PIP4K2A: variants seen among roughly 807,000 people sequenced by gnomAD.
PIP4K2A encodes the protein phosphatidylinositol-5-phosphate 4-kinase type 2 alpha, also known as phosphatidylinositol 5-phosphate 4-kinase type-2 alpha.
In PIP4K2A, 14 loss-of-function variants were observed where a neutral mutation model predicts 42.9. The observed-to-expected ratio is 0.33, with a 90% CI of 0.22 to 0.51. The LOEUF (loss-of-function observed/expected upper bound fraction) is 0.51. Among genes scored for constraint, PIP4K2A ranks in the 20% least tolerant of loss-of-function variants. The pLI is 0.97. For missense variants in PIP4K2A, 434 were observed against 519.8 expected (o/e 0.83, Z 1.61); for synonymous variants, 192 against 192.2 (o/e 1.00, Z 0.01).
intron 1 of PIP4K2A, among the ~76,000 whole-genome samples, chr10:22,645,322 G>C (rs1838858130): frequency 6.6e-6 from 1 of 152,264 alleles, no homozygotes; most frequent in African/African-American, 2.4e-5. Context: ...GAGGTGAGGG[G>C]ATTACCTGAG....
chr10:22,675,547 A>G (rs1388386874), intron 1 of PIP4K2A, among the ~76,000 whole-genome samples: 1 of 152,186 alleles, frequency 6.6e-6, no homozygotes, highest in African/African-American at 2.4e-5. Context: ...CCAAGATTGC[A>G]CCACTGCACT....
chr10:22,541,152 C>T (rs1040978213), intron 8 of PIP4K2A, among the ~76,000 whole-genome samples: 3 of 152,188 alleles, frequency 2.0e-5, no homozygotes, highest in East Asian at 1.9e-4. Context: ...CACCTGGATA[C>T]GGTGGATTAA....
At chr10:22,575,532 C>T (rs962109784) in intron 4 of PIP4K2A, among the ~76,000 whole-genome samples, 1 of 152,194 alleles carries the variant, frequency 6.6e-6, no homozygotes, top group Non-Finnish European at 1.5e-5. Flanking sequence ...TATTATACAG[C>T]AAATCATTGA....
chr10:22,545,890 G>GAGAC (rs915317112), intron 7 of PIP4K2A, among the ~76,000 whole-genome samples: 3 of 152,136 alleles, frequency 2.0e-5, no homozygotes, highest in African/African-American at 7.2e-5. Flanking sequence ...ATTTTGTGTG[G>GAGAC]AGACAGGATC....
chr10:22,569,266 G>A (rs959171437), intron 5 of PIP4K2A, among the ~76,000 whole-genome samples: 4 of 152,206 alleles, frequency 2.6e-5, no homozygotes, highest in Non-Finnish European at 5.9e-5. Context: ...TGGAAGATCC[G>A]AGGGACGCTG....
rs147415668 is a variant in PIP4K2A at position 22,537,808 on chromosome 10, A to G, written c.1141-527T>C. On this transcript the variant is annotated intron_variant, in intron 9 of 9. Transcript: ENST00000376573. Reference sequence around the variant, plus strand: ...CATGAGGGGCAACAGCAGCAGCCACAGGTTCTGGGACAGCTGCCCCCAGCC... The same window carrying G: ...CATGAGGGGCAACAGCAGCAGCCACGGGTTCTGGGACAGCTGCCCCCAGCC... 4.0e-3 allele frequency among the ~76,000 whole-genome samples: 612 copies of G among 152,286 alleles called. 3 individuals carry two copies. Among genetic ancestry groups the G allele is most frequent in the African/African-American group, 0.013 (557 of 41,556 alleles).
At chr10:22,557,038 C>T (rs1228575509) in intron 6 of PIP4K2A, among the ~76,000 whole-genome samples, 3 of 152,118 alleles carry the variant, frequency 2.0e-5, no homozygotes, top group East Asian at 3.9e-4. Context: ...CCAACACACG[C>T]GTAAGGCTTT....
intron 6 of PIP4K2A, among the ~76,000 whole-genome samples, chr10:22,560,445 T>C (rs760558738): frequency 1.3e-5 from 2 of 152,222 alleles, no homozygotes; most frequent in Non-Finnish European, 2.9e-5. Flanking sequence ...TGCTGAAAAC[T>C]GGTTTCGAAA....
chr10:22,589,028 T>G (rs1837456206), intron 4 of PIP4K2A, among the ~76,000 whole-genome samples: 1 of 152,306 alleles, frequency 6.6e-6, no homozygotes, highest in African/African-American at 2.4e-5. Context: ...TTACAATAAC[T>G]AACCCAGAGA....
intron 1 of PIP4K2A, among the ~76,000 whole-genome samples, chr10:22,654,627 G>A (rs905408953): frequency 3.6e-4 from 55 of 152,270 alleles, no homozygotes; most frequent in East Asian, 1.4e-3. Flanking sequence ...TTCAGGGGTA[G>A]TCAAGTGTGC....
chr10:22,551,626 C>T (rs751061286), intron 6 of PIP4K2A, among the ~76,000 whole-genome samples: 4 of 152,154 alleles, frequency 2.6e-5, no homozygotes, highest in Non-Finnish European at 4.4e-5. Context: ...GCATTCAGTA[C>T]GAGCTCAAAA....
chr10:22,664,080 T>C lies in PIP4K2A; in HGVS notation c.144+50103A>G, dbSNP rs1039114594. Among the ~76,000 whole-genome samples the C allele has an allele frequency of 2.6e-3, 192 of 73,698 alleles. 9 individuals carry two copies. The highest frequency in any genetic ancestry group is 3.9e-3 in the African/African-American group (38 of 9,816). 48.3% of individuals were successfully genotyped at this position (73,698 alleles called of 152,430 possible). A position where few individuals can be genotyped will look rare whatever the true frequency, so the allele number is the denominator to read the frequency against. On this transcript the variant is annotated intron_variant, in intron 1 of 9. Coordinates refer to ENST00000376573, the MANE Select transcript of PIP4K2A (RefSeq NM_005028.5). ...ATATATACATATATATATATACGTA[T>C]ATATATATACATATATATATATACA...
At chr10:22,680,711 C>A (rs146973105) in intron 1 of PIP4K2A, among the ~76,000 whole-genome samples, 1 of 152,274 alleles carries the variant, frequency 6.6e-6, no homozygotes, top group East Asian at 1.9e-4. Flanking sequence ...TGTGTTCCTG[C>A]GACAGCTCAG....
Position 22,650,633 on chromosome 10 carries a change from C to T in PIP4K2A, c.145-40916G>A, listed in dbSNP as rs186167415. 4.6e-5 allele frequency among the ~76,000 whole-genome samples: 7 copies of T among 152,306 alleles called. No individual in the cohort carries two copies. The East Asian group carries it at 9.6e-4, about 21-fold the overall frequency. On this transcript the variant is annotated intron_variant, in intron 1 of 9. Coordinates refer to ENST00000376573, the MANE Select transcript of PIP4K2A (RefSeq NM_005028.5). ...TATATACTCTCACTTAGGTGCCACT[C>T]GCGGTATAGCAAGAAAGTTAATGTT... is the stretch of plus-strand genomic sequence containing the variant.
At chr10:22,642,712 TAG>T (rs1460618219) in intron 1 of PIP4K2A, among the ~76,000 whole-genome samples, 1 of 149,596 alleles carries the variant, frequency 6.7e-6, no homozygotes, top group Non-Finnish European at 1.5e-5. Context: ...TTGCCTCTTA[TAG>T]AGTTAAGACA....
chr10:22,652,909 CATA>C (rs1342267921), intron 1 of PIP4K2A, among the ~76,000 whole-genome samples: 2 of 152,214 alleles, frequency 1.3e-5, no homozygotes, highest in East Asian at 3.9e-4. Context: ...GCCTGAGTAA[CATA>C]ATGAGACCCC....
intron 1 of PIP4K2A, among the ~76,000 whole-genome samples, chr10:22,670,023 T>C (rs534235751): frequency 2.6e-5 from 4 of 152,310 alleles, no homozygotes; most frequent in African/African-American, 9.6e-5. Flanking sequence ...TTCTTAGTGC[T>C]TCCATTAATT....
At chr10:22,677,538 G>A (rs963296224) in intron 1 of PIP4K2A, among the ~76,000 whole-genome samples, 2 of 152,210 alleles carry the variant, frequency 1.3e-5, no homozygotes, top group Non-Finnish European at 2.9e-5. Context: ...GTGGCTGCAT[G>A]TGGGATCCTG....
chr10:22,537,175 ATGTC>A lies in PIP4K2A; in HGVS notation c.*22_*25del. ...AGCCACCTCTGTCCATCCAATGTTCATGTCTGTCCGAGGCTGCGCAGGAGGTTAC... is the reference window on the plus strand; with the variant it reads ...AGCCACCTCTGTCCATCCAATGTTCATGTCCGAGGCTGCGCAGGAGGTTAC... On this transcript the variant is annotated 3_prime_UTR_variant, in exon 10 of 10. Coordinates refer to ENST00000376573, the MANE Select transcript of PIP4K2A (RefSeq NM_005028.5). 6.4e-7 allele frequency: 1 copy of A among 1,568,806 alleles called. No individual in the cohort carries two copies. The highest frequency in any genetic ancestry group is 1.4e-5 in the African/African-American group (1 of 73,730).
Sources: gnomAD v4.1 joint callset for allele counts (sites outside exome capture counted in the v4.1 genomes callset) on GRCh38, gnomAD v4.1.1 for gene constraint, MANE v1.5 for transcripts, NCBI Gene and HGNC (gene_info 2026-07-23, HGNC 2026-07-21) for gene names.